RTTN: variants seen among roughly 807,000 people sequenced by gnomAD.
RTTN encodes rotatin.
Under a neutral mutation model 269.2 loss-of-function variants are expected in RTTN, and 182 were observed. That is an observed-to-expected ratio of 0.68 (90% CI 0.60 to 0.76). The LOEUF (loss-of-function observed/expected upper bound fraction) is 0.76, where lower values mean the gene tolerates loss of function less well. RTTN is among the 30% of genes least tolerant of loss of function. The pLI is 0.00. For missense variants in RTTN, 2,545 were observed against 2,608.6 expected, an observed-to-expected ratio of 0.98 and a Z score of 0.53; for synonymous variants, 1,006 against 963.5, an observed-to-expected ratio of 1.04 and a Z score of -0.82.
intron 40 of RTTN, among the ~76,000 whole-genome samples, chr18:70,042,424 A>G (rs1020139252): frequency 2.4e-5 from 3 of 125,566 alleles, no homozygotes; most frequent in Admixed American, 1.1e-4. Flanking sequence ...CGCCCAGGAT[A>G]GAGTGCAGTG....
Position 70,140,094 on chromosome 18 carries a change from C to T in RTTN, c.2670+6G>A. 1.3e-6 allele frequency: 2 copies of T among 1,563,028 alleles called. No homozygotes were observed. Among genetic ancestry groups the T allele is most frequent in the Non-Finnish European group, 1.8e-6 (2 of 1,135,008 alleles). On this transcript the variant is annotated splice_donor_region_variant and intron_variant, in intron 20 of 48. Coordinates refer to ENST00000640769, the MANE Select transcript of RTTN (RefSeq NM_173630.4). Reference sequence around the variant, plus strand: ...AAAACAATGTCTAGATGCACATTAGCCTTACCTTGCCATCTTGACTCACAC... The same window carrying T: ...AAAACAATGTCTAGATGCACATTAGTCTTACCTTGCCATCTTGACTCACAC...
chr18:70,074,134 C>A, intron 33 of RTTN, 140 bp from the exon 34 acceptor site: 5 of 450,038 alleles, frequency 1.1e-5, no homozygotes, highest in Middle Eastern at 4.6e-4. Context: ...TGAGATAGAC[C>A]ACTATTTAAA....
intron 14 of RTTN, among the ~76,000 whole-genome samples, chr18:70,162,388 C>T (rs1244181895): frequency 6.6e-6 from 1 of 152,086 alleles, no homozygotes; most frequent in African/African-American, 2.4e-5. Context: ...ACGTATTAGC[C>T]TATTCTCACA....
At chr18:70,073,718 A>G (rs113086175) in intron 34 of RTTN, among the ~76,000 whole-genome samples, 188 bp downstream of exon 34, 1,988 of 152,300 alleles carry the variant, frequency 0.013, 26 homozygotes, top group Middle Eastern at 0.027. Flanking sequence ...GAAAAGCAAG[A>G]TAAGTATCTA....
rs762969752 is a variant in RTTN at position 70,017,682 on chromosome 18, T to C, written c.6154-8A>G. ...GTTCTGTAAGAAGTTACTCTGTGGA[T>C]AAATAGAGAGAATATTATTTTCTTC... On this transcript the variant is annotated splice_polypyrimidine_tract_variant and splice_region_variant and intron_variant, in intron 45 of 48. Coordinates refer to ENST00000640769, the MANE Select transcript of RTTN (RefSeq NM_173630.4). 6.3e-7 allele frequency: 1 copy of C among 1,597,678 alleles called. No homozygotes were observed. Among genetic ancestry groups the C allele is most frequent in the Non-Finnish European group, 8.5e-7 (1 of 1,172,304 alleles).
chr18:70,175,822 T>G (rs930319215), intron 11 of RTTN, among the ~76,000 whole-genome samples: 2 of 152,164 alleles, frequency 1.3e-5, no homozygotes, highest in African/African-American at 4.8e-5. Context: ...GACATTAAGA[T>G]ATGCTAACTA....
chr18:70,180,030 C>A (rs532361938), intron 10 of RTTN, among the ~76,000 whole-genome samples: 2 of 152,238 alleles, frequency 1.3e-5, no homozygotes, highest in African/African-American at 4.8e-5. Context: ...GCTTGTGTTC[C>A]ATCTACTACC....
intron 28 of RTTN, among the ~76,000 whole-genome samples, chr18:70,093,121 C>G (rs1239867355): frequency 6.6e-6 from 1 of 152,126 alleles, no homozygotes; most frequent in Non-Finnish European, 1.5e-5. Flanking sequence ...GGGAGGATCC[C>G]TTGAGCCTGG....
chr18:70,138,298 T>G (rs1445577582), intron 21 of RTTN: 1 of 152,028 alleles, frequency 6.6e-6, no homozygotes, highest in African/African-American at 2.4e-5. Context: ...AATAAGTAAG[T>G]AAGTAAAATT....
At chr18:70,154,183 C>T (rs900216855) in intron 14 of RTTN, among the ~76,000 whole-genome samples, 11 of 151,710 alleles carry the variant, frequency 7.3e-5, no homozygotes, top group Admixed American at 2.0e-4. Flanking sequence ...AAAACAAATT[C>T]GAAACTGACA....
chr18:70,203,958 A>G, intron 3 of RTTN, 128 bp downstream of exon 3: 2 of 715,440 alleles, frequency 2.8e-6, no homozygotes, highest in Non-Finnish European at 4.6e-6. Flanking sequence ...AAATCATGTA[A>G]GTTAACACAA....
At chr18:70,128,784 G>T in intron 23 of RTTN, 1 of 406,194 alleles carries the variant, frequency 2.5e-6, no homozygotes, top group Non-Finnish European at 4.5e-6. Flanking sequence ...CACATTCTAT[G>T]CTATATTAGA....
intron 43 of RTTN, among the ~76,000 whole-genome samples, chr18:70,028,113 A>G (rs965978555): frequency 4.6e-5 from 7 of 152,218 alleles, no homozygotes; most frequent in Admixed American, 3.9e-4. Flanking sequence ...AAGTGTTGTA[A>G]AACTATAGAC....
intron 40 of RTTN, among the ~76,000 whole-genome samples, chr18:70,044,464 C>T (rs1049762605): frequency 6.6e-6 from 1 of 152,142 alleles, no homozygotes; most frequent in Non-Finnish European, 1.5e-5. Context: ...CAGTAGGCCC[C>T]TTTATCCTTG....
Position 70,135,090 on chromosome 18 carries a change from T to C in RTTN, c.2885+94A>G, listed in dbSNP as rs1461515960. 5.7e-6 allele frequency: 4 copies of C among 698,686 alleles called. No individual in the cohort carries two copies. In the African/African-American group the frequency reaches 7.7e-5, roughly 13 times the overall value. 43.3% of individuals were successfully genotyped at this position (698,686 alleles called of 1,614,324 possible). ...TGTAGCATGGACAGCATAAGCTTCG[T>C]AAATCAGAAATTTCCATGCCTTGCT... On this transcript the variant is annotated intron_variant, in intron 22 of 48. Coordinates refer to ENST00000640769, the MANE Select transcript of RTTN (RefSeq NM_173630.4).
intron 47 of RTTN, chr18:70,005,584 C>G (rs2056160066): frequency 4.5e-6 from 1 of 222,470 alleles, no homozygotes. Flanking sequence ...GTTTTTCATA[C>G]TCCCTCAAAC....
Position 70,145,594 on chromosome 18 carries a change from C to A in RTTN, c.2481+18G>T, listed in dbSNP as rs746996156. The A allele has an allele frequency of 1.4e-4, 220 of 1,558,846 alleles. No individual in the cohort carries two copies. The highest frequency in any genetic ancestry group is 1.8e-4 in the South Asian group (15 of 82,366). Reference sequence around the variant, plus strand: ...TATCAAATTACCACACAGTAATAAACTCAAAATTTATAGTCACCTTAATAA... The same window carrying A: ...TATCAAATTACCACACAGTAATAAAATCAAAATTTATAGTCACCTTAATAA... On this transcript the variant is annotated intron_variant, in intron 18 of 48. Coordinates refer to ENST00000640769, the MANE Select transcript of RTTN (RefSeq NM_173630.4).
rs151324380 is a variant in RTTN at position 70,203,837 on chromosome 18, A to G, written c.397+249T>C. On this transcript the variant is annotated intron_variant, in intron 3 of 48. Transcript: ENST00000640769. ...GTTATTGCCAAAAAAATAATCTGTC[A>G]AACTGGCCTCATAAAAGCAAAGTCA... Among the ~76,000 whole-genome samples, 10 of 152,316 alleles carry G rather than the reference A, an allele frequency of 6.6e-5. 1 individual carries two copies. Among genetic ancestry groups the G allele is most frequent in the African/African-American group, 2.4e-4 (10 of 41,580 alleles).
At chr18:70,106,348 A>T (rs1007974031) in intron 28 of RTTN, among the ~76,000 whole-genome samples, 2 of 152,156 alleles carry the variant, frequency 1.3e-5, no homozygotes, top group Non-Finnish European at 2.9e-5. Flanking sequence ...TGTCTCAAAG[A>T]AATAAAGTAA....
Sources: gnomAD v4.1 joint callset for allele counts (sites outside exome capture counted in the v4.1 genomes callset) on GRCh38, gnomAD v4.1.1 for gene constraint, MANE v1.5 for transcripts, NCBI Gene and HGNC (gene_info 2026-07-23, HGNC 2026-07-21) for gene names.